LSAMP: variants seen among roughly 807,000 people sequenced by gnomAD.
LSAMP encodes the protein limbic system associated membrane protein, also known as limbic system-associated membrane protein.
Under a neutral mutation model 38.6 loss-of-function variants are expected in LSAMP, and 7 were observed. The ratio of observed to expected loss-of-function variants is 0.18; its 90% CI spans 0.10 to 0.34. The LOEUF (loss-of-function observed/expected upper bound fraction) is 0.34. LSAMP is among the 10% of genes least tolerant of loss of function. The probability of loss-of-function intolerance (pLI) is 1.00; values close to 1 mark genes in which losing one functional copy is unlikely to be tolerated. For missense variants in LSAMP, 313 were observed against 420.0 expected, an observed-to-expected ratio of 0.75 and a Z score of 2.23; for synonymous variants, 154 against 166.8, an observed-to-expected ratio of 0.92 and a Z score of 0.59.
chr3:115,886,968 T>G (rs927440583), intron 3 of LSAMP, among the ~76,000 whole-genome samples: 6 of 151,982 alleles, frequency 3.9e-5, no homozygotes, highest in Non-Finnish European at 8.8e-5. Context: ...TTTAATTATT[T>G]TTTAAAAACT....
At chr3:116,255,467 T>C (rs2046737026) in intron 1 of LSAMP, among the ~76,000 whole-genome samples, 1 of 152,086 alleles carries the variant, frequency 6.6e-6, no homozygotes, top group African/African-American at 2.4e-5. Flanking sequence ...CCAGAAGTCT[T>C]TTTCAACAGC....
At chr3:116,196,035 C>G (rs1019881943) in intron 1 of LSAMP, among the ~76,000 whole-genome samples, 3 of 152,148 alleles carry the variant, frequency 2.0e-5, no homozygotes, top group African/African-American at 7.2e-5. Flanking sequence ...AGTGCAAAGT[C>G]CACGTTTCAG....
chr3:116,257,482 A>G (rs1289251904), intron 1 of LSAMP, among the ~76,000 whole-genome samples: 1 of 152,206 alleles, frequency 6.6e-6, no homozygotes, highest in Non-Finnish European at 1.5e-5. Context: ...GAAGTATTCA[A>G]GGAATGGTGC....
chr3:116,294,634 T>TAACA (rs1472581376), intron 1 of LSAMP, among the ~76,000 whole-genome samples: 1 of 152,144 alleles, frequency 6.6e-6, no homozygotes, highest in Non-Finnish European at 1.5e-5. Flanking sequence ...ATATTAAAAG[T>TAACA]AACACACAAC....
At chr3:116,067,766 G>T (rs1342842216) in intron 2 of LSAMP, among the ~76,000 whole-genome samples, 2 of 150,918 alleles carry the variant, frequency 1.3e-5, no homozygotes, top group Non-Finnish European at 2.9e-5. Context: ...ACACCTTTCT[G>T]TATCTTGCTG....
intron 1 of LSAMP, among the ~76,000 whole-genome samples, chr3:116,235,909 A>G (rs1226289307): frequency 6.6e-6 from 1 of 152,198 alleles, no homozygotes; most frequent in Non-Finnish European, 1.5e-5. Context: ...TTCTAGCGTT[A>G]TGATCTCACT....
At chr3:115,818,793 T>TATAC (rs199610679) in intron 6 of LSAMP, among the ~76,000 whole-genome samples, 769 of 34,148 alleles carry the variant, frequency 0.023, 49 homozygotes, top group African/African-American at 0.065. Flanking sequence ...TGTACTTTTA[T>TATAC]ATATATATAT....
chr3:116,250,550 A>G (rs1182217768), intron 1 of LSAMP, among the ~76,000 whole-genome samples: 1 of 152,130 alleles, frequency 6.6e-6, no homozygotes, highest in African/African-American at 2.4e-5. Context: ...TAAGGTTGTG[A>G]TTTAAAAAAA....
chr3:115,890,053 T>C lies in LSAMP; in HGVS notation c.515-37436A>G, dbSNP rs547190906. On this transcript the variant is annotated intron_variant, in intron 3 of 6. Coordinates refer to ENST00000490035, the MANE Select transcript of LSAMP (RefSeq NM_002338.5). ...CAAATAAAAAACTCAATAAACAGTATATCCCTTCATTCTCTATAGCAGTAA... is the reference window on the plus strand; with the variant it reads ...CAAATAAAAAACTCAATAAACAGTACATCCCTTCATTCTCTATAGCAGTAA... Among the ~76,000 whole-genome samples, 3 of 152,084 alleles carry C rather than the reference T, an allele frequency of 2.0e-5. No homozygotes were observed. The South Asian group carries it at 6.2e-4, about 32-fold the overall frequency.
chr3:115,819,582 G>A (rs1489311001), intron 6 of LSAMP, among the ~76,000 whole-genome samples: 1 of 152,090 alleles, frequency 6.6e-6, no homozygotes, highest in Non-Finnish European at 1.5e-5. Flanking sequence ...GGAAACAGAT[G>A]CTCCCCTATG....
At chr3:116,296,445 G>T (rs780686597) in intron 1 of LSAMP, among the ~76,000 whole-genome samples, 3 of 151,948 alleles carry the variant, frequency 2.0e-5, no homozygotes, top group Non-Finnish European at 4.4e-5. Flanking sequence ...ATATTGGGAG[G>T]CCGAGGCAGG....
chr3:115,960,828 T>C (rs1420765639), intron 3 of LSAMP, among the ~76,000 whole-genome samples: 1 of 152,184 alleles, frequency 6.6e-6, no homozygotes, highest in Non-Finnish European at 1.5e-5. Context: ...AAAAAAATCG[T>C]TAATTTTTTT....
chr3:116,293,832 G>A (rs928929864), intron 1 of LSAMP, among the ~76,000 whole-genome samples: 2 of 152,036 alleles, frequency 1.3e-5, no homozygotes, highest in Non-Finnish European at 2.9e-5. Flanking sequence ...GACGGTTTTA[G>A]TTATATGCAT....
chr3:116,362,773 C>T lies in LSAMP; in HGVS notation c.155+82104G>A, dbSNP rs1264631599. Among the ~76,000 whole-genome samples the T allele has an allele frequency of 4.0e-5, 4 of 98,972 alleles. No homozygotes were observed. The East Asian group carries it at 1.0e-3, about 25-fold the overall frequency. The allele number at this position is 98,972 out of a possible 152,430, so 64.9% of individuals were successfully genotyped here. A position where few individuals can be genotyped will look rare whatever the true frequency, so the allele number is the denominator to read the frequency against. ...TCCTGAATGACTACTGGGTACATAA[C>T]GAAATGAAGGCAGAAATAAAGATGT... On this transcript the variant is annotated intron_variant, in intron 1 of 6. Coordinates refer to ENST00000490035, the MANE Select transcript of LSAMP (RefSeq NM_002338.5).
chr3:116,005,748 C>T (rs1192425881), intron 3 of LSAMP, among the ~76,000 whole-genome samples: 2 of 152,162 alleles, frequency 1.3e-5, no homozygotes, highest in East Asian at 3.9e-4. Flanking sequence ...TTCAGGCTGG[C>T]CTTGGTATGT....
chr3:116,394,704 T>C (rs777410213), intron 1 of LSAMP, among the ~76,000 whole-genome samples: 13 of 152,216 alleles, frequency 8.5e-5, no homozygotes, highest in Non-Finnish European at 1.3e-4. Flanking sequence ...TGGCTGTGAC[T>C]CTTTTCTCCT....
At chr3:115,991,714 T>C (rs925318388) in intron 3 of LSAMP, among the ~76,000 whole-genome samples, 2 of 152,104 alleles carry the variant, frequency 1.3e-5, no homozygotes, top group Admixed American at 6.6e-5. Context: ...CCTATTCTTC[T>C]TTATAGGTAA....
intron 1 of LSAMP, among the ~76,000 whole-genome samples, chr3:116,423,458 C>T (rs1193610244): frequency 6.6e-6 from 1 of 152,152 alleles, no homozygotes; most frequent in Non-Finnish European, 1.5e-5. Context: ...CTGAGGAAAG[C>T]AATGTTAAAG....
chr3:115,994,837 A>G (rs2107648330), intron 3 of LSAMP, among the ~76,000 whole-genome samples: 1 of 152,212 alleles, frequency 6.6e-6, no homozygotes, highest in South Asian at 2.1e-4. Context: ...CTACATGGAT[A>G]GAGATTTGGT....
Sources: gnomAD v4.1 joint callset for allele counts (sites outside exome capture counted in the v4.1 genomes callset) on GRCh38, gnomAD v4.1.1 for gene constraint, MANE v1.5 for transcripts, NCBI Gene and HGNC (gene_info 2026-07-23, HGNC 2026-07-21) for gene names.